MYOM1: variants seen among roughly 807,000 people sequenced by gnomAD.
MYOM1 encodes myomesin 1, also known as myomesin-1.
Under a neutral mutation model 205.3 loss-of-function variants are expected in MYOM1, and 164 were observed. That is an observed-to-expected ratio of 0.80 (90% CI 0.70 to 0.91). The LOEUF (loss-of-function observed/expected upper bound fraction) is 0.91. Ranked by LOEUF, MYOM1 falls within the 40% of genes least tolerant of loss-of-function variation. The pLI is 0.00. For synonymous variants in MYOM1, 772 were observed against 789.4 expected, an observed-to-expected ratio of 0.98 and a Z score of 0.37; for missense variants, 2,011 against 2,127.3, an observed-to-expected ratio of 0.95 and a Z score of 1.08.
the MYOM1 span, among the ~76,000 whole-genome samples, chr18:3,241,835 A>T: frequency 6.6e-6 from 1 of 152,308 alleles, no homozygotes; most frequent in East Asian, 1.9e-4. Flanking sequence ...GTGGGAACCC[A>T]CCTCTTACAT....
At chr18:3,115,041 G>A (rs915533896) in intron 21 of MYOM1, among the ~76,000 whole-genome samples, 3 of 151,374 alleles carry the variant, frequency 2.0e-5, no homozygotes, top group African/African-American at 7.3e-5. Context: ...CCTCTACAGT[G>A]GCAGACTGAA....
In MYOM1 at chr18:3,129,410, A is replaced by G; in HGVS notation, c.2616T>C (p.Asp872=). The G allele has an allele frequency of 6.2e-7, 1 of 1,614,018 alleles. No individual in the cohort carries two copies. Among genetic ancestry groups the G allele is most frequent in the East Asian group, 2.2e-5 (1 of 44,884 alleles). Residue 872 remains aspartate, a synonymous_variant, in exon 18 of 38, where the codon GAT becomes GAC. Transcript: ENST00000356443. ...TGTTAGGTTTGCTGCCAAGCAAAGCATCTTTCTGGAAGGTTGGCGGGGAGG... is the reference window on the plus strand; with the variant it reads ...TGTTAGGTTTGCTGCCAAGCAAAGCGTCTTTCTGGAAGGTTGGCGGGGAGG... ...HEASPPTFQK[D]ALLGSKPNKP...
Position 3,205,206 on chromosome 18 carries a change from G to T in MYOM1, c.290+9728C>A, listed in dbSNP as rs572636454. 2.0e-5 allele frequency among the ~76,000 whole-genome samples: 3 copies of T among 152,130 alleles called. No individual in the cohort carries two copies. The East Asian group carries it at 5.8e-4, about 29-fold the overall frequency. On this transcript the variant is annotated intron_variant, in intron 2 of 37. Coordinates refer to ENST00000356443, the MANE Select transcript of MYOM1 (RefSeq NM_003803.4). ...AAATACCAAAAGCATGATTTGAAAGGAACAAAATTGTTGAACTGAACTTCA... is the reference window on the plus strand; with the variant it reads ...AAATACCAAAAGCATGATTTGAAAGTAACAAAATTGTTGAACTGAACTTCA...
In MYOM1 at chr18:3,209,696, A is replaced by C. The variant is rs1217085494; in HGVS notation, c.290+5238T>G. ...TGCCTGGTGCACCTTTACCCAGATA[A>C]CCTCATGGCTACCTCTCTGAGCTAC... On this transcript the variant is annotated intron_variant, in intron 2 of 37. Coordinates refer to ENST00000356443, the MANE Select transcript of MYOM1 (RefSeq NM_003803.4). This position sits in a 1 kb window ranked among gnomAD's most constrained non-coding sequence, Gnocchi z 4.0. Among the ~76,000 whole-genome samples the C allele has an allele frequency of 6.6e-6, 1 of 151,942 alleles. No individual in the cohort carries two copies. Among genetic ancestry groups the C allele is most frequent in the Non-Finnish European group, 1.5e-5 (1 of 67,990 alleles).
chr18:3,148,329 C>T (rs1006970692), intron 13 of MYOM1, among the ~76,000 whole-genome samples: 12 of 152,220 alleles, frequency 7.9e-5, no homozygotes, highest in African/African-American at 2.4e-4. Flanking sequence ...TACTTTGGAA[C>T]GAATTGATAC....
At chr18:3,216,440 G>A (rs2081268462) in intron 1 of MYOM1, among the ~76,000 whole-genome samples, 1 of 152,182 alleles carries the variant, frequency 6.6e-6, no homozygotes, top group Non-Finnish European at 1.5e-5. Context: ...AAACAAAGCA[G>A]GTAAGAGGGA....
intron 22 of MYOM1, 66 bp downstream of exon 22, chr18:3,112,232 A>G: frequency 7.5e-7 from 1 of 1,334,508 alleles, no homozygotes; most frequent in Non-Finnish European, 1.1e-6. Context: ...AAGCACAGAA[A>G]GGCCGAACCT....
chr18:3,228,734 G>C, the MYOM1 span, among the ~76,000 whole-genome samples: 1 of 152,102 alleles, frequency 6.6e-6, no homozygotes, highest in Non-Finnish European at 1.5e-5. This position sits in a 1 kb window ranked among gnomAD's most constrained non-coding sequence, Gnocchi z 4.5. Context: ...ACCCAGAAAA[G>C]TTTCCTCAGG....
chr18:3,131,274 G>T, intron 17 of MYOM1, 101 bp downstream of exon 17: 1 of 1,325,096 alleles, frequency 7.5e-7, no homozygotes, highest in Non-Finnish European at 1.0e-6. Flanking sequence ...CAATCATCCA[G>T]CAATATTGGA....
chr18:3,117,450 A>G (rs1257643327), intron 20 of MYOM1, among the ~76,000 whole-genome samples: 1 of 141,324 alleles, frequency 7.1e-6, no homozygotes, highest in Non-Finnish European at 1.5e-5. Flanking sequence ...CCTTACATTC[A>G]TTTATCTCCC....
At chr18:3,114,767 T>C (rs1294878792) in intron 21 of MYOM1, among the ~76,000 whole-genome samples, 1 of 152,088 alleles carries the variant, frequency 6.6e-6, no homozygotes, top group East Asian at 1.9e-4. Flanking sequence ...AAAGATTATT[T>C]TCACTTTATA....
chr18:3,154,808 G>T, intron 11 of MYOM1, 139 bp downstream of exon 11: 1 of 916,230 alleles, frequency 1.1e-6, no homozygotes, highest in Non-Finnish European at 1.6e-6. Flanking sequence ...GAAAAAGAAA[G>T]ATGAAGAGAG....
At chr18:3,075,875 G>A in intron 34 of MYOM1, 114 bp from the exon 35 acceptor site, 3 of 890,880 alleles carry the variant, frequency 3.4e-6, no homozygotes, top group East Asian at 2.6e-5. Flanking sequence ...TGACTAAACC[G>A]ACTTTGATTA....
intron 21 of MYOM1, among the ~76,000 whole-genome samples, chr18:3,114,569 T>TTTTTTTTTG (rs1349795714): frequency 1.5e-5 from 2 of 131,994 alleles, no homozygotes; most frequent in African/African-American, 5.4e-5. Flanking sequence ...TTTTTTTTTT[T>TTTTTTTTTG]AGAGACAGGG....
Position 3,084,810 on chromosome 18 carries a change from T to G in MYOM1, c.4339+235A>C, listed in dbSNP as rs747502086. On this transcript the variant is annotated intron_variant, in intron 31 of 37. Transcript: ENST00000356443. ...ATTTAAATTGAAAACAGATCCCTTG[T>G]GGACTCTGGACTATAAATTCTCTAA... Among the ~76,000 whole-genome samples, 3 of 152,228 alleles carry G rather than the reference T, an allele frequency of 2.0e-5. No individual in the cohort carries two copies. In the East Asian group the frequency reaches 5.8e-4, roughly 29 times the overall value.
Position 3,164,290 on chromosome 18 carries a change from C to T in MYOM1, c.1489G>A (p.Val497Ile), listed in dbSNP as rs1188358300. 2.5e-6 allele frequency: 4 copies of T among 1,612,758 alleles called. No homozygotes were observed. The highest frequency in any genetic ancestry group is 1.1e-5 in the South Asian group (1 of 90,764). ...TGCTAGGACTTACCTCGAACAAAGA[C>T]ATAAGCACTATATTGTTCATAATAT... ...GEYYEQYSAY[V>I]FVRDADAEIE... is the part of the protein sequence containing the mutation. Residue 497 changes from valine (V) to isoleucine (I), a missense_variant, in exon 10 of 38, where the codon GTC becomes ATC. By Grantham distance (29) the Val-to-Ile change is conservative. Transcript: ENST00000356443.
intron 25 of MYOM1, among the ~76,000 whole-genome samples, chr18:3,096,999 T>A (rs983819170): frequency 3.3e-5 from 5 of 152,202 alleles, no homozygotes; most frequent in Admixed American, 6.5e-5. Context: ...TTAATGTGCC[T>A]CAGCGAAATA....
intron 19 of MYOM1, among the ~76,000 whole-genome samples, chr18:3,125,945 C>A (rs1032404768): frequency 2.0e-5 from 3 of 152,090 alleles, no homozygotes; most frequent in African/African-American, 7.2e-5. Context: ...AAGCCCATGT[C>A]CCTTCATCCG....
At chr18:3,201,120 C>T (rs1237043301) in intron 2 of MYOM1, among the ~76,000 whole-genome samples, 8 of 152,072 alleles carry the variant, frequency 5.3e-5, no homozygotes, top group Non-Finnish European at 8.8e-5. Flanking sequence ...TATATCTGGC[C>T]GGGCGCAGTG....
Sources: gnomAD v4.1 joint callset for allele counts (sites outside exome capture counted in the v4.1 genomes callset) on GRCh38, gnomAD v4.1.1 for gene constraint, Gnocchi (gnomAD v3.1) non-coding constraint, MANE v1.5 for transcripts, NCBI Gene and HGNC (gene_info 2026-07-23, HGNC 2026-07-21) for gene names.